The following FCRL3 variants were observed in gnomAD, a reference collection of about 807,000 sequenced individuals.
FCRL3 encodes the protein Fc receptor like 3, also known as Fc receptor-like protein 3.
FCRL3 carries 89 observed loss-of-function variants against 75.0 expected under a neutral mutation model. The ratio of observed to expected loss-of-function variants is 1.19; its 90% confidence interval spans 1.00 to 1.42. The LOEUF is 1.42. Among genes scored for constraint, FCRL3 ranks in the 40% most tolerant of loss-of-function variants. The probability of loss-of-function intolerance (pLI) is 0.00; values close to 1 mark genes in which losing one functional copy is unlikely to be tolerated. For synonymous variants in FCRL3, 376 were observed against 348.5 expected (o/e 1.08, Z -0.88); for missense variants, 946 against 880.0 (o/e 1.07, Z -0.95).
At chr1:157,698,743 C>A in intron 3 of FCRL3, 114 bp from the exon 4 acceptor site, 1 of 1,075,854 alleles carries the variant, frequency 9.3e-7, no homozygotes, top group Non-Finnish European at 1.4e-6. Flanking sequence ...CCAGTCAGGA[C>A]CAGGGTGGAA....
intron 8 of FCRL3, among the ~76,000 whole-genome samples, chr1:157,694,960 G>A (rs1655788476): frequency 6.6e-6 from 1 of 152,132 alleles, no homozygotes; most frequent in Admixed American, 6.5e-5. Flanking sequence ...GGCAAGGGAT[G>A]ATCCAGTCAT....
rs1442198992 is a variant in FCRL3, at chr1:157,696,510, C to A, written c.845-183G>T. Reference sequence around the variant, plus strand: ...GGAAGCAACATCCCTCTCACTCCCACAACATTCCCATCCTTGAGAAATGTG... The same window carrying A: ...GGAAGCAACATCCCTCTCACTCCCAAAACATTCCCATCCTTGAGAAATGTG... On this transcript the variant is annotated intron_variant, in intron 6 of 14. Coordinates refer to ENST00000368184, the MANE Select transcript of FCRL3 (RefSeq NM_052939.4). 1.0e-5 allele frequency: 6 copies of A among 602,186 alleles called. No individual in the cohort carries two copies. The East Asian group carries it at 1.4e-4, about 14-fold the overall frequency. 37.3% of individuals were successfully genotyped at this position (602,186 alleles called of 1,614,324 possible).
intron 13 of FCRL3, among the ~76,000 whole-genome samples, chr1:157,680,249 G>C (rs1654751274): frequency 6.6e-6 from 1 of 152,206 alleles, no homozygotes; most frequent in African/African-American, 2.4e-5. Flanking sequence ...GCTTTGGAAT[G>C]GGTGTCATTG....
intron 12 of FCRL3, 102 bp from the exon 13 acceptor site, chr1:157,680,872 T>C: frequency 1.4e-6 from 2 of 1,417,372 alleles, no homozygotes; most frequent in East Asian, 2.3e-5. Context: ...CCCAGTGTAA[T>C]GCTAGGAATG....
intron 10 of FCRL3, among the ~76,000 whole-genome samples, chr1:157,689,182 G>A (rs1184466421): frequency 6.6e-6 from 1 of 152,168 alleles, no homozygotes; most frequent in Non-Finnish European, 1.5e-5. Context: ...AGAACAAGAA[G>A]TAAAAGAAAT....
chr1:157,689,977 C>G (rs1179552324), intron 9 of FCRL3, 60 bp from the exon 10 acceptor site: 1 of 1,604,576 alleles, frequency 6.2e-7, no homozygotes, highest in African/African-American at 1.3e-5. Context: ...CAGACAAAAT[C>G]ATGCAAGTAG....
rs780872733 is a variant in FCRL3, at chr1:157,680,964, C to A, written c.1957+17G>T. The A allele has an allele frequency of 3.8e-5, 59 of 1,564,634 alleles. No homozygotes were observed. The highest frequency in any genetic ancestry group is 1.9e-4 in the Admixed American group (10 of 52,234). The stretch of plus-strand genomic sequence containing the variant: ...TGGCTCCTCCCTAGAGCCTTCTGCC[C>A]CCTAGGGAGTCCTCACCATTGCTGT... On this transcript the variant is annotated intron_variant, in intron 12 of 14. Transcript: ENST00000368184.
In FCRL3 at chr1:157,680,722, T is replaced by C. The variant is rs1654781355; in HGVS notation, c.2006A>G (p.Gln669Arg). ...CTTACCTGAGTTTTCTTTTGTATGCTGGATGCTCCAGATCTGGGAATAAAT... is the reference window on the plus strand; with the variant it reads ...CTTACCTGAGTTTTCTTTTGTATGCCGGATGCTCCAGATCTGGGAATAAAT... ...NPIYSQIWSIQHTKENSANCP... is the reference protein window; with the variant it reads ...NPIYSQIWSIRHTKENSANCP... Residue 669 changes from glutamine to arginine, a missense_variant, in exon 13 of 15, where the codon CAG (glutamine) becomes CGG (arginine). Physicochemically the swap from Gln to Arg is conservative, Grantham distance 43. Transcript: ENST00000368184. 6.2e-7 allele frequency: 1 copy of C among 1,614,092 alleles called. No individual in the cohort carries two copies. The highest frequency in any genetic ancestry group is 8.5e-7 in the Non-Finnish European group (1 of 1,179,944).
intron 8 of FCRL3, among the ~76,000 whole-genome samples, chr1:157,694,107 A>G (rs1286758735): frequency 1.3e-5 from 2 of 152,186 alleles, no homozygotes; most frequent in South Asian, 2.1e-4. Flanking sequence ...AAGTTAATAC[A>G]GTAGTACATG....
At chr1:157,687,983 A>G (rs988215457) in intron 10 of FCRL3, among the ~76,000 whole-genome samples, 41 of 152,304 alleles carry the variant, frequency 2.7e-4, no homozygotes, top group African/African-American at 9.1e-4. Flanking sequence ...TAACAAAGGA[A>G]GTAAAATAGA....
intron 6 of FCRL3, chr1:157,696,743 C>T (rs1655934549): frequency 4.2e-6 from 1 of 239,804 alleles, no homozygotes; most frequent in African/African-American, 2.2e-5. Context: ...CCATGTCTTT[C>T]TCTGACTATT....
At chr1:157,689,957 G>C in intron 9 of FCRL3, 40 bp from the exon 10 acceptor site, 1 of 1,609,134 alleles carries the variant, frequency 6.2e-7, no homozygotes, top group African/African-American at 1.3e-5. Context: ...AGTGGCACAG[G>C]TTTTGGATAC....
At chr1:157,695,745 A>G in intron 7 of FCRL3, 138 bp from the exon 8 acceptor site, 2 of 1,082,488 alleles carry the variant, frequency 1.8e-6, no homozygotes, top group Admixed American at 2.9e-5. Context: ...TTTCTTATCT[A>G]ACAATCAGAA....
Position 157,690,363 on chromosome 1 carries a change from C to T in FCRL3, c.1582G>A (p.Ala528Thr), listed in dbSNP as rs768497919. The T allele has an allele frequency of 1.2e-6, 2 of 1,614,194 alleles. No homozygotes were observed. Among genetic ancestry groups the T allele is most frequent in the Non-Finnish European group, 1.7e-6 (2 of 1,180,042 alleles). ...GTAGTCAGAGAGAGGTTGAAGGATG[C>T]CCCTCCTCCAGAGTGGGCCGAGATG... is the stretch of plus-strand genomic sequence containing the variant. ...GNISAHSGGG[A>T]SFNLSLTTEH... is the part of the protein sequence containing the mutation. The change falls in exon 9 of 15, where the codon GCA becomes ACA. Residue 528 changes from alanine (A) to threonine (T), a missense_variant. By Grantham distance (58) the Ala-to-Thr change is moderately conservative. Coordinates refer to ENST00000368184, the MANE Select transcript of FCRL3 (RefSeq NM_052939.4).
Position 157,696,163 on chromosome 1 carries a change from G to T in FCRL3, c.1009C>A (p.Arg337Ser), listed in dbSNP as rs754226096. The T allele has an allele frequency of 6.2e-7, 1 of 1,613,962 alleles. No homozygotes were observed. Among genetic ancestry groups the T allele is most frequent in the Non-Finnish European group, 8.5e-7 (1 of 1,180,010 alleles). Residue 337 changes from arginine to serine, a missense_variant, in exon 7 of 15, where the codon CGT becomes AGT. Physicochemically the swap from Arg to Ser is moderately radical, Grantham distance 110. Coordinates refer to ENST00000368184, the MANE Select transcript of FCRL3 (RefSeq NM_052939.4). ...RVRSLGRKTQRSLLAELHVLT... is the reference protein window; with the variant it reads ...RVRSLGRKTQSSLLAELHVLT... ...ACATGCAGCTCTGCCAACAGGGAAC[G>T]CTGGGTCTTTCTACCCAGGCTTCTT...
At chr1:157,695,241 C>A (rs1655805041) in intron 8 of FCRL3, 88 bp downstream of exon 8, 2 of 1,385,996 alleles carry the variant, frequency 1.4e-6, no homozygotes, top group South Asian at 1.4e-5. Context: ...ATTGGGATAT[C>A]AACCAGCAAA....
intron 6 of FCRL3, 164 bp from the exon 7 acceptor site, chr1:157,696,491 A>C: frequency 1.5e-6 from 1 of 656,994 alleles, no homozygotes; most frequent in Non-Finnish European, 2.6e-6. Context: ...TAAAGGAAGC[A>C]ACATCCCTCT....
intron 10 of FCRL3, among the ~76,000 whole-genome samples, chr1:157,689,278 G>C (rs1655360083): frequency 6.6e-6 from 1 of 152,180 alleles, no homozygotes; most frequent in Admixed American, 6.5e-5. Flanking sequence ...ATCTGCAAAA[G>C]AGATACTGAA....
In FCRL3 at chr1:157,678,620, A is replaced by G; in HGVS notation, c.*90T>C. ...CCTGCAGCCCAGCCTCGTAGGAGGCAGAGTCTGGAGAGATGGATGATGTGT... is the reference window on the plus strand; with the variant it reads ...CCTGCAGCCCAGCCTCGTAGGAGGCGGAGTCTGGAGAGATGGATGATGTGT... On this transcript the variant is annotated 3_prime_UTR_variant, in exon 15 of 15. Coordinates refer to ENST00000368184, the MANE Select transcript of FCRL3 (RefSeq NM_052939.4). 6.4e-7 allele frequency: 1 copy of G among 1,569,724 alleles called. No individual in the cohort carries two copies. Among genetic ancestry groups the G allele is most frequent in the Non-Finnish European group, 8.6e-7 (1 of 1,164,618 alleles).
Sources: allele counts gnomAD v4.1 joint callset (sites outside exome capture counted in the v4.1 genomes callset), GRCh38; gene constraint gnomAD v4.1.1; transcripts MANE v1.5; gene names NCBI Gene and HGNC (gene_info 2026-07-23, HGNC 2026-07-21).